MALRD1: variants seen among roughly 807,000 people sequenced by gnomAD.
The protein encoded by MALRD1 is MAM and LDL-receptor class A domain-containing protein 1.
In MALRD1, 247 loss-of-function variants were observed where a neutral mutation model predicts 242.1. The observed-to-expected ratio is 1.02, with a 90% confidence interval of 0.92 to 1.13. MALRD1 has a LOEUF of 1.13. Ranked by LOEUF, MALRD1 falls within the 50% of genes most tolerant of loss-of-function variation. The pLI is 0.00. For synonymous variants in MALRD1, 995 were observed against 866.6 expected, an observed-to-expected ratio of 1.15 and a Z score of -2.60; for missense variants, 2,989 against 2,533.1, an observed-to-expected ratio of 1.18 and a Z score of -3.86.
intron 36 of MALRD1, among the ~76,000 whole-genome samples, chr10:19,660,386 C>T (rs2131731137): frequency 6.6e-6 from 1 of 152,234 alleles, no homozygotes; most frequent in Middle Eastern, 3.4e-3. Flanking sequence ...GTAGACAAAG[C>T]AGTGACCAAG....
intron 26 of MALRD1, among the ~76,000 whole-genome samples, chr10:19,384,049 A>G (rs1040156026): frequency 1.3e-5 from 2 of 151,710 alleles, no homozygotes; most frequent in Non-Finnish European, 1.5e-5. Context: ...TTGGAAGATA[A>G]GTATTCCAGG....
chr10:19,727,298 T>C (rs1835074110), intron 38 of MALRD1, among the ~76,000 whole-genome samples: 1 of 152,152 alleles, frequency 6.6e-6, no homozygotes. Flanking sequence ...ATTCTTTTTT[T>C]CTCCTTTCCC....
In MALRD1 at chr10:19,182,393, G is replaced by A. The variant is rs191104610; in HGVS notation, c.1951+7065G>A. On this transcript the variant is annotated intron_variant, in intron 14 of 39. Coordinates refer to ENST00000454679, the MANE Select transcript of MALRD1 (RefSeq NM_001142308.3). ...AGGCTGGAGTGCAGTGGTGCGATATGGGCTTACTGCCAGCTCTGCCTCCCG... is the reference window on the plus strand; with the variant it reads ...AGGCTGGAGTGCAGTGGTGCGATATAGGCTTACTGCCAGCTCTGCCTCCCG... 2.9e-3 allele frequency among the ~76,000 whole-genome samples: 365 copies of A among 126,980 alleles called. 1 individual carries two copies. Among genetic ancestry groups the A allele is most frequent in the African/African-American group, 0.01 (348 of 33,182 alleles). The allele number at this position is 126,980 out of a possible 152,430, so 83.3% of individuals were successfully genotyped here. A position where few individuals can be genotyped will look rare whatever the true frequency, so the allele number is the denominator to read the frequency against.
At chr10:19,506,437 C>A (rs1833148061) in intron 31 of MALRD1, among the ~76,000 whole-genome samples, 1 of 152,112 alleles carries the variant, frequency 6.6e-6, no homozygotes, top group Admixed American at 6.5e-5. Flanking sequence ...CATTCAAATT[C>A]TCATGTACTT....
chr10:19,235,305 C>G (rs1838261649), intron 18 of MALRD1, among the ~76,000 whole-genome samples: 1 of 151,946 alleles, frequency 6.6e-6, no homozygotes, highest in African/African-American at 2.4e-5. Flanking sequence ...TTAATAATAG[C>G]CATTCCAACC....
intron 36 of MALRD1, among the ~76,000 whole-genome samples, chr10:19,658,110 T>G (rs1451045600): frequency 1.3e-5 from 2 of 151,960 alleles, no homozygotes; most frequent in African/African-American, 2.4e-5. Context: ...ATCATGCCAT[T>G]GCACTCCAGC....
chr10:19,684,741 G>T (rs370801881), intron 36 of MALRD1, among the ~76,000 whole-genome samples: 9 of 152,160 alleles, frequency 5.9e-5, no homozygotes, highest in African/African-American at 2.4e-5. Flanking sequence ...GACAGAGCAA[G>T]ACTCTAACTC....
At chr10:19,312,730 A>G (rs1235266876) in intron 21 of MALRD1, among the ~76,000 whole-genome samples, 1 of 151,312 alleles carries the variant, frequency 6.6e-6, no homozygotes, top group Non-Finnish European at 1.5e-5. Context: ...CTTTCCTCCT[A>G]TAGACTCTTA....
intron 21 of MALRD1, among the ~76,000 whole-genome samples, chr10:19,305,884 T>A (rs1842146542): frequency 1.5e-5 from 2 of 130,930 alleles, no homozygotes; most frequent in African/African-American, 5.9e-5. Flanking sequence ...ATAATATATA[T>A]AATATATATT....
chr10:19,438,320 G>C (rs1437181039), intron 28 of MALRD1, among the ~76,000 whole-genome samples: 3 of 152,036 alleles, frequency 2.0e-5, no homozygotes, highest in African/African-American at 4.8e-5. Flanking sequence ...ACATGTGTCA[G>C]AATTGGCTTT....
At chr10:19,702,848 A>G (rs879750877) in intron 38 of MALRD1, among the ~76,000 whole-genome samples, 8 of 152,146 alleles carry the variant, frequency 5.3e-5, no homozygotes, top group Admixed American at 5.2e-4. Flanking sequence ...TAACCTTAAG[A>G]TTTTTCATTA....
At chr10:19,344,439 C>T (rs746796532) in intron 24 of MALRD1, among the ~76,000 whole-genome samples, 1 of 151,838 alleles carries the variant, frequency 6.6e-6, no homozygotes, top group Admixed American at 6.6e-5. Flanking sequence ...GTTTTTGTAC[C>T]TTTGTCAAAA....
chr10:19,332,572 A>T (rs1471430335), intron 24 of MALRD1, among the ~76,000 whole-genome samples: 1 of 152,228 alleles, frequency 6.6e-6, no homozygotes, highest in Non-Finnish European at 1.5e-5. Flanking sequence ...TTGACAAATT[A>T]TGTCACCATT....
chr10:19,531,802 T>C (rs7070993), intron 32 of MALRD1, among the ~76,000 whole-genome samples: 54 of 152,322 alleles, frequency 3.5e-4, no homozygotes, highest in African/African-American at 1.3e-3. Flanking sequence ...TATTTTTAAC[T>C]AGTTTAAAGC....
In MALRD1 at chr10:19,087,945, G is replaced by C; in HGVS notation, c.435+11G>C. On this transcript the variant is annotated intron_variant, in intron 3 of 39. Coordinates refer to ENST00000454679, the MANE Select transcript of MALRD1 (RefSeq NM_001142308.3). ...CAACATGACTGCCAGGTATTTGAAA[G>C]CACACAGCATTTTAAATATTTTGTC... is the stretch of plus-strand genomic sequence containing the variant. 3 of 1,231,738 alleles carry C rather than the reference G, an allele frequency of 2.4e-6. No individual in the cohort carries two copies. Among genetic ancestry groups the C allele is most frequent in the South Asian group, 4.1e-5 (1 of 24,360 alleles). The allele number at this position is 1,231,738 out of a possible 1,614,324, so 76.3% of individuals were successfully genotyped here.
At chr10:19,732,388 G>C (rs1055667321) in intron 39 of MALRD1, among the ~76,000 whole-genome samples, 18 of 152,058 alleles carry the variant, frequency 1.2e-4, no homozygotes, top group African/African-American at 4.3e-4. Flanking sequence ...TCAGCCTCCT[G>C]AGTAGCTGGG....
Position 19,388,993 on chromosome 10 carries a change from A to C in MALRD1, c.4688-459A>C, listed in dbSNP as rs138542749. ...AATGTTATGGATATGTCAATGTGCAAGAACAAAACTGAATACCTTTCTTCC... is the reference window on the plus strand; with the variant it reads ...AATGTTATGGATATGTCAATGTGCACGAACAAAACTGAATACCTTTCTTCC... On this transcript the variant is annotated intron_variant, in intron 27 of 39. Coordinates refer to ENST00000454679, the MANE Select transcript of MALRD1 (RefSeq NM_001142308.3). Among the ~76,000 whole-genome samples the C allele has an allele frequency of 9.8e-5, 15 of 152,300 alleles. No individual in the cohort carries two copies. In the East Asian group the frequency reaches 2.7e-3, roughly 27 times the overall value.
intron 19 of MALRD1, among the ~76,000 whole-genome samples, chr10:19,268,455 T>A (rs1317916143): frequency 1.3e-5 from 2 of 152,068 alleles, no homozygotes; most frequent in African/African-American, 4.8e-5. Flanking sequence ...ATAGAAGAAA[T>A]GGATGATATT....
intron 36 of MALRD1, among the ~76,000 whole-genome samples, chr10:19,675,054 A>G (rs1473626194): frequency 6.6e-6 from 1 of 152,156 alleles, no homozygotes; most frequent in East Asian, 1.9e-4. Flanking sequence ...AACACTTTTT[A>G]TCTGCTGCAT....
Sources: allele counts gnomAD v4.1 joint callset (sites outside exome capture counted in the v4.1 genomes callset), GRCh38; gene constraint gnomAD v4.1.1; transcripts MANE v1.5; gene names NCBI Gene and HGNC (gene_info 2026-07-23, HGNC 2026-07-21).